Variants in DTNB observed in about 807,000 individuals in gnomAD.
DTNB encodes the protein DTN-B.
DTNB carries 63 observed loss-of-function variants against 90.7 expected under a neutral mutation model. The ratio of observed to expected loss-of-function variants is 0.69; its 90% CI spans 0.57 to 0.86. The LOEUF (loss-of-function observed/expected upper bound fraction) is 0.86. Ranked by LOEUF, DTNB falls within the 40% of genes least tolerant of loss-of-function variation. The pLI, the probability that DTNB is intolerant of heterozygous loss-of-function variation, is 0.00. For missense variants in DTNB, 744 were observed against 807.1 expected (o/e 0.92, Z 0.95); for synonymous variants, 277 against 286.7 (o/e 0.97, Z 0.34).
At chr2:25,442,590 C>T (rs1270173330) in intron 12 of DTNB, among the ~76,000 whole-genome samples, 3 of 152,186 alleles carry the variant, frequency 2.0e-5, no homozygotes, top group African/African-American at 4.8e-5. Flanking sequence ...AACTCCTGCA[C>T]ATTTTTGTTG....
chr2:25,669,051 A>G (rs772378019), intron 1 of DTNB, among the ~76,000 whole-genome samples: 11 of 152,242 alleles, frequency 7.2e-5, no homozygotes, highest in African/African-American at 2.4e-4. Flanking sequence ...GATTCCATTC[A>G]TATGAGGTAC....
intron 8 of DTNB, among the ~76,000 whole-genome samples, chr2:25,532,097 T>C (rs1176810704): frequency 6.6e-6 from 1 of 151,864 alleles, no homozygotes; most frequent in African/African-American, 2.4e-5. Context: ...AAATACAAAA[T>C]TAACCAGGCA....
chr2:25,526,268 G>GTATA, intron 9 of DTNB, among the ~76,000 whole-genome samples: 1 of 150,386 alleles, frequency 6.6e-6, no homozygotes, highest in Non-Finnish European at 1.5e-5. Flanking sequence ...GGCATTATAT[G>GTATA]TGGAGGCAGA....
At chr2:25,397,970 C>T (rs951720037) in intron 16 of DTNB, among the ~76,000 whole-genome samples, 4 of 151,834 alleles carry the variant, frequency 2.6e-5, no homozygotes, top group African/African-American at 9.7e-5. Context: ...AAACATATGG[C>T]GAGGACTCAG....
At chr2:25,586,181 A>G (rs1342294527) in intron 6 of DTNB, among the ~76,000 whole-genome samples, 1 of 152,168 alleles carries the variant, frequency 6.6e-6, no homozygotes, top group Non-Finnish European at 1.5e-5. Context: ...CAAAATTACT[A>G]ATTTTCTCAT....
chr2:25,549,877 T>C (rs1054193574), intron 8 of DTNB, among the ~76,000 whole-genome samples: 4 of 152,070 alleles, frequency 2.6e-5, no homozygotes, highest in Admixed American at 2.0e-4. Flanking sequence ...CCCAGGCTGG[T>C]TGCGAACTCC....
At chr2:25,522,865 TA>T (rs2076401884) in intron 9 of DTNB, among the ~76,000 whole-genome samples, 1 of 151,984 alleles carries the variant, frequency 6.6e-6, no homozygotes, top group African/African-American at 2.4e-5. Context: ...GACGCCCAGT[TA>T]ATTTTTGTAT....
At chr2:25,449,794 G>A (rs936743789) in intron 12 of DTNB, among the ~76,000 whole-genome samples, 10 of 141,554 alleles carry the variant, frequency 7.1e-5, no homozygotes, top group African/African-American at 2.1e-4. Flanking sequence ...ACAGAGTCTC[G>A]CTCTGTCACC....
Position 25,628,023 on chromosome 2 carries a change from A to G in DTNB, c.362+148T>C, listed in dbSNP as rs945786126. ...AGTGCTGGGACTACAGCTGTGAGCT[A>G]CCGTGCCCAGCCAATAATTTCCCTT... is the stretch of plus-strand genomic sequence containing the variant. On this transcript the variant is annotated intron_variant, in intron 4 of 20. Coordinates refer to ENST00000406818, the MANE Select transcript of DTNB (RefSeq NM_021907.5). 7 of 817,598 alleles carry G rather than the reference A, an allele frequency of 8.6e-6. No individual in the cohort carries two copies. In the African/African-American group the frequency reaches 1.2e-4, roughly 14 times the overall value. 50.6% of individuals were successfully genotyped at this position (817,598 alleles called of 1,614,324 possible).
chr2:25,516,997 A>G (rs2075254534), intron 9 of DTNB, among the ~76,000 whole-genome samples: 2 of 152,264 alleles, frequency 1.3e-5, no homozygotes, highest in South Asian at 4.1e-4. Flanking sequence ...CTACAGAAAG[A>G]CATGAATGTT....
chr2:25,516,291 G>C (rs2075100332), intron 9 of DTNB, among the ~76,000 whole-genome samples: 1 of 152,082 alleles, frequency 6.6e-6, no homozygotes, highest in Non-Finnish European at 1.5e-5. Flanking sequence ...CTGTCATCCA[G>C]GCTGGAGTGC....
At chr2:25,395,225 G>A (rs968377561) in intron 16 of DTNB, among the ~76,000 whole-genome samples, 1 of 152,190 alleles carries the variant, frequency 6.6e-6, no homozygotes, top group South Asian at 2.1e-4. Flanking sequence ...TTGGGGACTC[G>A]GGGAAAGGGT....
chr2:25,566,791 G>T (rs1353265851), intron 8 of DTNB, among the ~76,000 whole-genome samples: 1 of 152,244 alleles, frequency 6.6e-6, no homozygotes, highest in African/African-American at 2.4e-5. Flanking sequence ...TTTCAATGGA[G>T]ACAGGGGGTG....
At chr2:25,382,610 C>T (rs566744879) in intron 19 of DTNB, among the ~76,000 whole-genome samples, 1 of 140,308 alleles carries the variant, frequency 7.1e-6, no homozygotes, top group East Asian at 2.1e-4. Context: ...CTCACTGCAA[C>T]CTCTGCCTCC....
At chr2:25,420,508 ATCTATCTATCTATCTG>A (rs1221582673) in intron 15 of DTNB, among the ~76,000 whole-genome samples, 2 of 122,848 alleles carry the variant, frequency 1.6e-5, no homozygotes, top group Non-Finnish European at 3.9e-5. Flanking sequence ...CTATCTATCT[ATCTATCTATCTATCTG>A]TCTGTCTATC....
At chr2:25,615,645 G>A (rs555887834) in intron 4 of DTNB, among the ~76,000 whole-genome samples, 4 of 152,276 alleles carry the variant, frequency 2.6e-5, no homozygotes, top group Admixed American at 6.5e-5. Context: ...GCGATCAAAC[G>A]TTAGAACAAA....
intron 4 of DTNB, among the ~76,000 whole-genome samples, chr2:25,619,008 G>A (rs143325045): frequency 1.3e-5 from 2 of 152,200 alleles, no homozygotes; most frequent in African/African-American, 4.8e-5. Flanking sequence ...GTCCCCACCT[G>A]TTCCCTGTGG....
chr2:25,515,601 A>G (rs1193471116), intron 9 of DTNB, among the ~76,000 whole-genome samples: 1 of 151,750 alleles, frequency 6.6e-6, no homozygotes, highest in Non-Finnish European at 1.5e-5. Flanking sequence ...TTATTTATTT[A>G]TTTAAGACTG....
intron 2 of DTNB, 144 bp from the exon 3 acceptor site, chr2:25,639,238 A>C: frequency 1.5e-6 from 1 of 657,382 alleles, no homozygotes; most frequent in South Asian, 2.8e-5. Flanking sequence ...AAACAACAAC[A>C]GAGGGAGAAA....
Sources: allele counts gnomAD v4.1 joint callset (sites outside exome capture counted in the v4.1 genomes callset), GRCh38; gene constraint gnomAD v4.1.1; transcripts MANE v1.5; gene names NCBI Gene and HGNC (gene_info 2026-07-23, HGNC 2026-07-21).